The following CNTNAP5 variants were observed in gnomAD, a reference collection of about 807,000 sequenced individuals.
CNTNAP5 encodes the protein contactin-associated protein-like 5.
CNTNAP5 carries 72 observed loss-of-function variants against 150.2 expected under a neutral mutation model. The observed-to-expected ratio is 0.48, with a 90% CI of 0.40 to 0.58. The LOEUF (loss-of-function observed/expected upper bound fraction) is 0.58, where lower values mean the gene tolerates loss of function less well. CNTNAP5 is among the 20% of genes least tolerant of loss of function. The probability of loss-of-function intolerance (pLI) is 0.00; values close to 1 mark genes in which losing one functional copy is unlikely to be tolerated. For synonymous variants in CNTNAP5, 672 were observed against 619.8 expected, an observed-to-expected ratio of 1.08 and a Z score of -1.25; for missense variants, 1,636 against 1,626.2, an observed-to-expected ratio of 1.01 and a Z score of -0.10.
intron 11 of CNTNAP5, among the ~76,000 whole-genome samples, chr2:124,564,020 G>T (rs539325616): frequency 6.6e-6 from 1 of 152,332 alleles, no homozygotes; most frequent in East Asian, 1.9e-4. Context: ...GGTGAAAAGT[G>T]CTAATGACTG....
chr2:124,839,333 T>C (rs1682894684), intron 19 of CNTNAP5, among the ~76,000 whole-genome samples: 2 of 152,060 alleles, frequency 1.3e-5, no homozygotes, highest in Non-Finnish European at 2.9e-5. Flanking sequence ...CAGATCACTC[T>C]TGGACCTGGA....
chr2:124,408,215 C>A (rs1457309742), intron 3 of CNTNAP5, among the ~76,000 whole-genome samples: 1 of 152,214 alleles, frequency 6.6e-6, no homozygotes, highest in African/African-American at 2.4e-5. Context: ...ATATCTCGCA[C>A]CTGGCTCGGA....
At chr2:124,364,480 C>T (rs547180519) in intron 3 of CNTNAP5, among the ~76,000 whole-genome samples, 1 of 152,284 alleles carries the variant, frequency 6.6e-6, no homozygotes, top group South Asian at 2.1e-4. Flanking sequence ...CATTATCTTA[C>T]TTATTTTGTC....
intron 22 of CNTNAP5, among the ~76,000 whole-genome samples, chr2:124,907,783 G>A (rs1353246706): frequency 6.6e-6 from 1 of 150,674 alleles, no homozygotes; most frequent in Non-Finnish European, 1.5e-5. Flanking sequence ...CTTTGCCGAA[G>A]GTGTCCATTA....
intron 3 of CNTNAP5, among the ~76,000 whole-genome samples, chr2:124,394,670 C>T (rs973801965): frequency 2.0e-5 from 3 of 152,202 alleles, no homozygotes; most frequent in South Asian, 2.1e-4. Flanking sequence ...TAACAGCTCT[C>T]TTATAAACCC....
chr2:124,652,871 T>G (rs926321241), intron 13 of CNTNAP5, among the ~76,000 whole-genome samples: 6 of 152,222 alleles, frequency 3.9e-5, no homozygotes, highest in African/African-American at 1.4e-4. Flanking sequence ...TCAGTAAAGC[T>G]GTGACCTCTT....
intron 1 of CNTNAP5, among the ~76,000 whole-genome samples, chr2:124,098,291 C>G (rs1682987191): frequency 6.6e-6 from 1 of 152,054 alleles, no homozygotes; most frequent in South Asian, 2.1e-4. Flanking sequence ...CATAAAGGTC[C>G]TCATCCTCAT....
chr2:124,043,024 CA>C (rs1681425792), intron 1 of CNTNAP5, among the ~76,000 whole-genome samples: 2 of 152,248 alleles, frequency 1.3e-5, no homozygotes, highest in Non-Finnish European at 2.9e-5. Context: ...GTCCAATATT[CA>C]ATTTTTAACA....
intron 19 of CNTNAP5, among the ~76,000 whole-genome samples, chr2:124,821,494 A>G (rs532112830): frequency 2.0e-5 from 3 of 152,308 alleles, no homozygotes; most frequent in East Asian, 1.9e-4. Flanking sequence ...TTTTTAAGCA[A>G]GTTCCTAGCT....
At chr2:124,051,379 T>C (rs566743926) in intron 1 of CNTNAP5, among the ~76,000 whole-genome samples, 1 of 152,346 alleles carries the variant, frequency 6.6e-6, no homozygotes, top group African/African-American at 2.4e-5. Flanking sequence ...TATTTGATGC[T>C]GCTGTTTACC....
intron 21 of CNTNAP5, 92 bp downstream of exon 21, chr2:124,869,854 G>A (rs1677709173): frequency 1.4e-6 from 1 of 734,752 alleles, no homozygotes; most frequent in Non-Finnish European, 2.3e-6. Context: ...TTCAGGTCTG[G>A]AGCCTTTTGC....
chr2:124,168,049 A>G (rs1237780391), intron 1 of CNTNAP5, among the ~76,000 whole-genome samples: 1 of 152,214 alleles, frequency 6.6e-6, no homozygotes, highest in Non-Finnish European at 1.5e-5. Context: ...GAAGAAGGGC[A>G]CAAGCCTCAT....
At chr2:124,555,272 T>C (rs1227425677) in intron 10 of CNTNAP5, among the ~76,000 whole-genome samples, 3 of 152,174 alleles carry the variant, frequency 2.0e-5, no homozygotes, top group Non-Finnish European at 2.9e-5. Flanking sequence ...GATACTGAAT[T>C]TGGAAACTTC....
At chr2:124,451,029 T>TA (rs1156744323) in intron 6 of CNTNAP5, among the ~76,000 whole-genome samples, 752 of 19,994 alleles carry the variant, frequency 0.038, 30 homozygotes, top group Non-Finnish European at 0.048. Context: ...CCATGTCTCT[T>TA]AAAAAAAAAA....
intron 1 of CNTNAP5, among the ~76,000 whole-genome samples, chr2:124,159,936 T>C (rs1346775492): frequency 6.6e-6 from 1 of 152,130 alleles, no homozygotes; most frequent in Non-Finnish European, 1.5e-5. Context: ...TTATTAAGAG[T>C]CTTCCAAAGA....
intron 4 of CNTNAP5, among the ~76,000 whole-genome samples, chr2:124,427,990 A>G (rs1434425077): frequency 3.9e-5 from 6 of 152,080 alleles, no homozygotes; most frequent in Non-Finnish European, 7.4e-5. Context: ...TGTATTTCTA[A>G]CAAGCTCCTT....
chr2:124,377,712 CTT>C (rs36086200), intron 3 of CNTNAP5, among the ~76,000 whole-genome samples: 2 of 145,570 alleles, frequency 1.4e-5, no homozygotes, highest in African/African-American at 5.0e-5. Flanking sequence ...ATAAATGCAC[CTT>C]TTTTTTTTAT....
At chr2:124,625,646 T>G (rs544451541) in intron 12 of CNTNAP5, among the ~76,000 whole-genome samples, 1 of 152,338 alleles carries the variant, frequency 6.6e-6, no homozygotes, top group East Asian at 1.9e-4. Flanking sequence ...TTCTAAGCAC[T>G]GAACACAGGG....
chr2:124,110,743 G>A (rs1041316049), intron 1 of CNTNAP5, among the ~76,000 whole-genome samples: 4 of 152,148 alleles, frequency 2.6e-5, no homozygotes, highest in Non-Finnish European at 4.4e-5. Flanking sequence ...TTAAAGGCAG[G>A]TCTATGTGAC....
Sources: gnomAD v4.1 joint callset for allele counts (sites outside exome capture counted in the v4.1 genomes callset) on GRCh38, gnomAD v4.1.1 for gene constraint, MANE v1.5 for transcripts, NCBI Gene and HGNC (gene_info 2026-07-23, HGNC 2026-07-21) for gene names.